CSDE1: variants seen among roughly 807,000 people sequenced by gnomAD.
CSDE1 encodes the protein cold shock domain containing E1.
CSDE1 carries 17 observed loss-of-function variants against 89.3 expected under a neutral mutation model. The ratio of observed to expected loss-of-function variants is 0.19; its 90% CI spans 0.13 to 0.29. The LOEUF (loss-of-function observed/expected upper bound fraction) is 0.29. Among genes scored for constraint, CSDE1 ranks in the 10% least tolerant of loss-of-function variants. The probability of loss-of-function intolerance (pLI) is 1.00; values close to 1 mark genes in which losing one functional copy is unlikely to be tolerated. For missense variants in CSDE1, 672 were observed against 984.2 expected, an observed-to-expected ratio of 0.68 and a Z score of 4.24; for synonymous variants, 322 against 332.8, an observed-to-expected ratio of 0.97 and a Z score of 0.35.
chr1:114,745,407 T>C (rs1357889693), intron 2 of CSDE1, among the ~76,000 whole-genome samples: 1 of 152,230 alleles, frequency 6.6e-6, no homozygotes, highest in East Asian at 1.9e-4. Flanking sequence ...GGAAAATGCT[T>C]ATTCTGTAAT....
At position 114,718,006 on chromosome 1, in the gene CSDE1, T is replaced by C. The variant is rs1407158894; in HGVS notation, c.*163A>G. On this transcript the variant is annotated 3_prime_UTR_variant, in exon 20 of 20. Transcript: ENST00000358528. ...AAATGGTTTTCTTAAATTTATTTAT[T>C]TTTTTAAACATAACACGAGGAAGGT... 1 of 641,866 alleles carries C rather than the reference T, an allele frequency of 1.6e-6. No homozygotes were observed. The highest frequency in any genetic ancestry group is 1.9e-5 in the African/African-American group (1 of 53,894). 39.8% of individuals were successfully genotyped at this position (641,866 alleles called of 1,614,324 possible).
rs1425726155 is a variant in CSDE1 at position 114,717,515 on chromosome 1, A to G, written c.*654T>C. ...GTAAAGTTACCCCCCAACCCACGAA[A>G]AAAAACCTACTCTGGAAGAAAATTT... On this transcript the variant is annotated 3_prime_UTR_variant, in exon 20 of 20. Coordinates refer to ENST00000358528, the MANE Select transcript of CSDE1 (RefSeq NM_001007553.3). 1.3e-5 allele frequency: 2 copies of G among 152,610 alleles called. No homozygotes were observed. Among genetic ancestry groups the G allele is most frequent in the African/African-American group, 2.4e-5 (1 of 41,444 alleles). 9.5% of individuals were successfully genotyped at this position (152,610 alleles called of 1,614,324 possible). A position where few individuals can be genotyped will look rare whatever the true frequency, so the allele number is the denominator to read the frequency against.
chr1:114,720,318 A>G (rs1656315328), intron 17 of CSDE1: 1 of 469,982 alleles, frequency 2.1e-6, no homozygotes, highest in Non-Finnish European at 3.8e-6. Flanking sequence ...ATTGCATAAT[A>G]TTAGTTACTA....
At chr1:114,736,702 T>C (rs1489949502) in intron 6 of CSDE1, 56 bp downstream of exon 6, 3 of 1,081,734 alleles carry the variant, frequency 2.8e-6, no homozygotes, top group Admixed American at 2.2e-5. Flanking sequence ...AATTTCTTAA[T>C]GGAGGGGGGA....
At chr1:114,729,105 AT>A (rs3838301) in intron 12 of CSDE1, among the ~76,000 whole-genome samples, 2 of 150,012 alleles carry the variant, frequency 1.3e-5, no homozygotes, top group Non-Finnish European at 3.0e-5. Context: ...CAAGGTCTAA[AT>A]TTTTTTTTTG....
At position 114,718,332 on chromosome 1, in the gene CSDE1, C is replaced by A; in HGVS notation, c.2350-116G>T. The A allele has an allele frequency of 1.0e-5, 13 of 1,238,900 alleles. No individual in the cohort carries two copies. In the South Asian group the frequency reaches 1.8e-4, roughly 17 times the overall value. The allele number at this position is 1,238,900 out of a possible 1,614,324, so 76.7% of individuals were successfully genotyped here. Reference sequence around the variant, plus strand: ...AAGCATTATTTTTAATCATCTTATGCAGTACTAATTCTTTCCTAGAGGAGA... The same window carrying A: ...AAGCATTATTTTTAATCATCTTATGAAGTACTAATTCTTTCCTAGAGGAGA... On this transcript the variant is annotated intron_variant, in intron 19 of 19. Coordinates refer to ENST00000358528, the MANE Select transcript of CSDE1 (RefSeq NM_001007553.3).
At chr1:114,732,196 A>C (rs1660138940) in intron 10 of CSDE1, among the ~76,000 whole-genome samples, 1 of 152,090 alleles carries the variant, frequency 6.6e-6, no homozygotes, top group Non-Finnish European at 1.5e-5. Context: ...ATGGGTGTTC[A>C]ATCTTTTGGC....
intron 5 of CSDE1, 72 bp from the exon 6 acceptor site, chr1:114,736,927 T>A: frequency 8.4e-7 from 1 of 1,185,894 alleles, no homozygotes; most frequent in Non-Finnish European, 1.2e-6. Context: ...TTTACTTACT[T>A]AAAAACCTCT....
rs1217444064 is a variant in CSDE1, at chr1:114,750,078, C to G, written c.-258G>C. The G allele has an allele frequency of 6.6e-6, 1 of 152,592 alleles. No homozygotes were observed. Among genetic ancestry groups the G allele is most frequent in the Non-Finnish European group, 1.5e-5 (1 of 68,046 alleles). 9.5% of individuals were successfully genotyped at this position (152,592 alleles called of 1,614,324 possible). ...TAGGCACAAACTTCTTGTTTCAGATCAAGTGTTGTGTCTTCAACTTAAGTG... is the reference window on the plus strand; with the variant it reads ...TAGGCACAAACTTCTTGTTTCAGATGAAGTGTTGTGTCTTCAACTTAAGTG... On this transcript the variant is annotated 5_prime_UTR_variant, in exon 2 of 20. Coordinates refer to ENST00000358528, the MANE Select transcript of CSDE1 (RefSeq NM_001007553.3).
chr1:114,731,694 G>C (rs1660109280), intron 10 of CSDE1, among the ~76,000 whole-genome samples: 1 of 152,174 alleles, frequency 6.6e-6, no homozygotes, highest in Admixed American at 6.5e-5. Flanking sequence ...GTGAAGTTCT[G>C]CCAAAACAAA....
chr1:114,731,018 T>C (rs1321277141), intron 10 of CSDE1, among the ~76,000 whole-genome samples: 2 of 152,154 alleles, frequency 1.3e-5, no homozygotes, highest in Non-Finnish European at 2.9e-5. Flanking sequence ...AAGGCACTTC[T>C]CCAGTCTCTA....
At chr1:114,747,808 A>G (rs186621335) in intron 2 of CSDE1, among the ~76,000 whole-genome samples, 8 of 152,214 alleles carry the variant, frequency 5.3e-5, no homozygotes, top group Non-Finnish European at 8.8e-5. Flanking sequence ...CAGTGAGCCA[A>G]GATCACCCCA....
chr1:114,731,478 A>G lies in CSDE1; in HGVS notation c.1051-830T>C, dbSNP rs144298453. Among the ~76,000 whole-genome samples the G allele has an allele frequency of 5.3e-4, 80 of 152,288 alleles. 1 individual carries two copies. Among genetic ancestry groups the G allele is most frequent in the Non-Finnish European group, 8.8e-5 (6 of 68,012 alleles). On this transcript the variant is annotated intron_variant, in intron 10 of 19. Transcript: ENST00000358528. ...CAAATACAACCAGTTCTTCAAAGGC[A>G]AAGGATTAAAAAAAACTCAAGAAAC...
chr1:114,730,807 T>C (rs567216882), intron 10 of CSDE1, among the ~76,000 whole-genome samples, 159 bp from the exon 11 acceptor site: 1 of 152,374 alleles, frequency 6.6e-6, no homozygotes, highest in African/African-American at 2.4e-5. Context: ...TACAAACTCA[T>C]TGCTTTCAAC....
At chr1:114,733,701 A>G in intron 9 of CSDE1, 31 bp downstream of exon 9, 2 of 1,602,750 alleles carry the variant, frequency 1.2e-6, no homozygotes, top group Non-Finnish European at 1.7e-6. Flanking sequence ...TACTGAGGCG[A>G]AATAGGACTC....
At chr1:114,725,169 CT>C (rs1224804259) in intron 15 of CSDE1, 51 bp downstream of exon 15, 33 of 1,408,736 alleles carry the variant, frequency 2.3e-5, no homozygotes, top group Non-Finnish European at 3.2e-5. Context: ...CTACTCCATC[CT>C]TTATCTCCCA....
intron 12 of CSDE1, among the ~76,000 whole-genome samples, chr1:114,728,992 G>C (rs1026158547): frequency 6.6e-6 from 1 of 152,004 alleles, no homozygotes; most frequent in Non-Finnish European, 1.5e-5. Flanking sequence ...TTCATCTTTT[G>C]TCTTTCTCCA....
Position 114,737,543 on chromosome 1 carries a change from G to T in CSDE1, c.330C>A (p.His110Gln). 1 of 1,613,736 alleles carries T rather than the reference G, an allele frequency of 6.2e-7. No individual in the cohort carries two copies. The highest frequency in any genetic ancestry group is 8.5e-7 in the Non-Finnish European group (1 of 1,179,926). Residue 110 changes from histidine to glutamine, a missense_variant, in exon 5 of 20, where the codon CAC becomes CAA. By Grantham distance (24) the His-to-Gln change is conservative (BLOSUM62 0). This residue lies in a region of CSDE1 where 124 missense variants were observed against 138.7 expected (regional missense o/e 0.89). Transcript: ENST00000358528. ...MNGQVVCAVP[H>Q]NLESKSPAAP... ...CAGCTGGAGATTTACTCTCTAAGTT[G>T]TGAGGAACAGCGCACACAACCTACC...
intron 18 of CSDE1, among the ~76,000 whole-genome samples, chr1:114,719,269 T>C (rs993377792): frequency 6.6e-6 from 1 of 152,136 alleles, no homozygotes; most frequent in African/African-American, 2.4e-5. Flanking sequence ...TGATAGCGCC[T>C]GGGTAACCGA....
Sources: gnomAD v4.1 joint callset for allele counts (sites outside exome capture counted in the v4.1 genomes callset) on GRCh38, gnomAD v4.1.1 for gene constraint, gnomAD v4.1.1 regional missense constraint, MANE v1.5 for transcripts, NCBI Gene and HGNC (gene_info 2026-07-23, HGNC 2026-07-21) for gene names.